C8orf34: variants seen among roughly 807,000 people sequenced by gnomAD.
C8orf34 encodes chromosome 8 open reading frame 34, also known as uncharacterized protein C8orf34.
Under a neutral mutation model 68.3 loss-of-function variants are expected in C8orf34, and 65 were observed. That is an observed-to-expected ratio of 0.95 (90% CI 0.78 to 1.17). The LOEUF (loss-of-function observed/expected upper bound fraction) is 1.17. C8orf34 is among the 50% of genes most tolerant of loss of function. C8orf34 has a pLI of 0.00. For missense variants in C8orf34, 664 were observed against 655.4 expected, an observed-to-expected ratio of 1.01 and a Z score of -0.14; for synonymous variants, 244 against 241.2, an observed-to-expected ratio of 1.01 and a Z score of -0.11.
At chr8:68,642,390 A>G (rs931920182) in intron 8 of C8orf34, among the ~76,000 whole-genome samples, 2 of 152,220 alleles carry the variant, frequency 1.3e-5, no homozygotes, top group Non-Finnish European at 2.9e-5. Flanking sequence ...AGCAGCTACT[A>G]TAGCTAGAAT....
chr8:68,597,192 C>T (rs758247535), intron 7 of C8orf34, among the ~76,000 whole-genome samples: 2 of 152,004 alleles, frequency 1.3e-5, no homozygotes, highest in Non-Finnish European at 2.9e-5. Flanking sequence ...TGCTCCTGAG[C>T]ATGCTCCTGA....
chr8:68,479,212 G>A (rs956901669), intron 4 of C8orf34, among the ~76,000 whole-genome samples: 1 of 152,088 alleles, frequency 6.6e-6, no homozygotes, highest in Admixed American at 6.6e-5. Flanking sequence ...GCAGTGGACG[G>A]AAGAAGGAAT....
intron 4 of C8orf34, 27 bp from the exon 5 acceptor site, chr8:68,487,996 T>C (rs377005035): frequency 1.3e-6 from 2 of 1,555,270 alleles, no homozygotes; most frequent in African/African-American, 1.4e-5. Flanking sequence ...CTAAAACTTT[T>C]TTTTATAAAT....
chr8:68,799,386 G>T (rs1824266970), intron 12 of C8orf34, among the ~76,000 whole-genome samples: 1 of 152,158 alleles, frequency 6.6e-6, no homozygotes. Context: ...TTGGCTGACT[G>T]CAAGCAAAGC....
chr8:68,448,724 A>G lies in C8orf34; in HGVS notation c.607+2264A>G, dbSNP rs552717418. Among the ~76,000 whole-genome samples, 4 of 152,282 alleles carry G rather than the reference A, an allele frequency of 2.6e-5. No homozygotes were observed. In the East Asian group the frequency reaches 7.7e-4, roughly 29 times the overall value. On this transcript the variant is annotated intron_variant, in intron 3 of 13. Transcript: ENST00000518698. The stretch of plus-strand genomic sequence containing the variant: ...CAATTATAGTAAATATAAATGTACT[A>G]AACATTCCAATTAAAGCAAATATTG...
chr8:68,486,234 A>T lies in C8orf34; in HGVS notation c.737-1789A>T, dbSNP rs182823727. On this transcript the variant is annotated intron_variant, in intron 4 of 13. Coordinates refer to ENST00000518698, the MANE Select transcript of C8orf34 (RefSeq NM_052958.4). Reference sequence around the variant, plus strand: ...TTGCACTCTGAGATCTCTTAGTCTCACATCTTCCCCTTGACTGTGGTGCTG... The same window carrying T: ...TTGCACTCTGAGATCTCTTAGTCTCTCATCTTCCCCTTGACTGTGGTGCTG... Among the ~76,000 whole-genome samples, 308 of 152,256 alleles carry T rather than the reference A, an allele frequency of 2.0e-3. 2 individuals are homozygous for T. The highest frequency in any genetic ancestry group is 7.2e-3 in the African/African-American group (299 of 41,548).
At chr8:68,643,968 G>C (rs924983127) in intron 8 of C8orf34, among the ~76,000 whole-genome samples, 1 of 152,154 alleles carries the variant, frequency 6.6e-6, no homozygotes, top group African/African-American at 2.4e-5. Context: ...TGGTCTGTCT[G>C]CTTAGCTTCA....
chr8:68,467,484 C>CT (rs1263482391), intron 3 of C8orf34, among the ~76,000 whole-genome samples: 2 of 151,938 alleles, frequency 1.3e-5, no homozygotes, highest in African/African-American at 4.8e-5. Context: ...CTGTAGCCCT[C>CT]TGTCCTCTTG....
upstream of C8orf34, chr8:68,330,805 ACACG>A (rs1554594059): frequency 6.2e-6 from 3 of 482,998 alleles, no homozygotes; most frequent in South Asian, 6.8e-5. Flanking sequence ...ACACACACAC[ACACG>A]CACGCACGCA....
At chr8:68,783,284 C>T (rs1262415298) in intron 11 of C8orf34, among the ~76,000 whole-genome samples, 1 of 152,036 alleles carries the variant, frequency 6.6e-6, no homozygotes, top group East Asian at 1.9e-4. Context: ...CTTTGGGAGG[C>T]CAAGGCGGGT....
chr8:68,452,072 A>T (rs1281532947), intron 3 of C8orf34, among the ~76,000 whole-genome samples: 1 of 151,980 alleles, frequency 6.6e-6, no homozygotes, highest in African/African-American at 2.4e-5. Flanking sequence ...TGGCTGAATA[A>T]TATTCCATTG....
intron 2 of C8orf34, among the ~76,000 whole-genome samples, chr8:68,443,050 GATCCAGC>G (rs1810976159): frequency 6.6e-6 from 1 of 152,178 alleles, no homozygotes; most frequent in Non-Finnish European, 1.5e-5. Flanking sequence ...TGAACCAGGA[GATCCAGC>G]CCTGCTTCCA....
At chr8:68,677,067 C>T (rs1338724462) in intron 8 of C8orf34, among the ~76,000 whole-genome samples, 1 of 152,132 alleles carries the variant, frequency 6.6e-6, no homozygotes, top group Non-Finnish European at 1.5e-5. Flanking sequence ...GGTTGGGACA[C>T]AGAGCCAAAC....
intron 7 of C8orf34, among the ~76,000 whole-genome samples, chr8:68,573,632 T>C (rs1351212126): frequency 1.3e-5 from 2 of 152,178 alleles, no homozygotes; most frequent in Admixed American, 1.3e-4. Flanking sequence ...GCCTGAGCAA[T>C]ATAATGCATC....
chr8:68,681,585 T>C (rs1820373076), intron 8 of C8orf34, among the ~76,000 whole-genome samples: 1 of 152,154 alleles, frequency 6.6e-6, no homozygotes, highest in Non-Finnish European at 1.5e-5. Flanking sequence ...GTACAACCAC[T>C]ATGGAGAACA....
intron 12 of C8orf34, among the ~76,000 whole-genome samples, chr8:68,795,475 T>C (rs999011578): frequency 1.3e-5 from 2 of 152,218 alleles, no homozygotes; most frequent in African/African-American, 4.8e-5. Context: ...GGGTTTGTTA[T>C]TGCTGCTGTT....
At chr8:68,438,833 T>C (rs977347907) in intron 1 of C8orf34, 4 of 152,006 alleles carry the variant, frequency 2.6e-5, no homozygotes, top group Non-Finnish European at 5.9e-5. Context: ...ACTTAAAGTA[T>C]CATTAGAGCT....
intron 1 of C8orf34, among the ~76,000 whole-genome samples, chr8:68,421,673 A>G (rs1342031123): frequency 1.3e-5 from 2 of 152,178 alleles, no homozygotes; most frequent in Non-Finnish European, 2.9e-5. Flanking sequence ...CTGAGGCTGA[A>G]CAAACCCTGG....
intron 1 of C8orf34, among the ~76,000 whole-genome samples, chr8:68,382,845 G>T (rs779598142): frequency 2.0e-5 from 3 of 152,010 alleles, no homozygotes; most frequent in African/African-American, 7.2e-5. Context: ...ATTCTATTTG[G>T]CAATTCTGAA....
Sources: gnomAD v4.1 joint callset for allele counts (sites outside exome capture counted in the v4.1 genomes callset) on GRCh38, gnomAD v4.1.1 for gene constraint, MANE v1.5 for transcripts, NCBI Gene and HGNC (gene_info 2026-07-23, HGNC 2026-07-21) for gene names.